PCCA: variants seen among roughly 807,000 people sequenced by gnomAD.
PCCA encodes propionyl-CoA carboxylase subunit alpha, also known as propionyl-CoA carboxylase alpha chain, mitochondrial.
Under a neutral mutation model 101.3 loss-of-function variants are expected in PCCA, and 74 were observed. The ratio of observed to expected loss-of-function variants is 0.73; its 90% CI spans 0.61 to 0.89. The LOEUF is 0.89. PCCA is among the 40% of genes least tolerant of loss of function. The pLI, the probability that PCCA is intolerant of heterozygous loss-of-function variation, is 0.00. For missense variants in PCCA, 891 were observed against 907.0 expected, an observed-to-expected ratio of 0.98 and a Z score of 0.23; for synonymous variants, 294 against 313.6, an observed-to-expected ratio of 0.94 and a Z score of 0.66.
intron 6 of PCCA, among the ~76,000 whole-genome samples, chr13:100,203,500 G>A (rs1040269741): frequency 1.3e-5 from 2 of 151,942 alleles, no homozygotes; most frequent in African/African-American, 4.8e-5. Context: ...GACCAGCTCG[G>A]CCAACATGGT....
intron 20 of PCCA, among the ~76,000 whole-genome samples, chr13:100,428,660 TG>T (rs1044703086): frequency 6.6e-6 from 1 of 152,172 alleles, no homozygotes; most frequent in Non-Finnish European, 1.5e-5. Flanking sequence ...AGAAGCCTTG[TG>T]GAAACTCAAG....
intron 20 of PCCA, among the ~76,000 whole-genome samples, chr13:100,434,681 T>A (rs921863916): frequency 6.6e-6 from 1 of 152,240 alleles, no homozygotes; most frequent in Non-Finnish European, 1.5e-5. Context: ...TCCCTCATAA[T>A]GACCCCGCCT....
chr13:100,169,550 C>T (rs951792109), intron 6 of PCCA, among the ~76,000 whole-genome samples: 11 of 151,550 alleles, frequency 7.3e-5, no homozygotes, highest in South Asian at 4.2e-4. Context: ...TTTTTTGAGA[C>T]GGAGTCTTGC....
intron 19 of PCCA, among the ~76,000 whole-genome samples, chr13:100,374,465 G>C (rs1024031718): frequency 1.3e-5 from 2 of 151,856 alleles, no homozygotes; most frequent in African/African-American, 2.4e-5. Flanking sequence ...ACACAAAACT[G>C]GTCAAAATAG....
chr13:100,355,299 A>G (rs570819915), intron 18 of PCCA, among the ~76,000 whole-genome samples: 1 of 152,198 alleles, frequency 6.6e-6, no homozygotes. Context: ...ATAGAAGGCA[A>G]CTTCCTCAGA....
At chr13:100,168,579 A>G (rs973730489) in intron 6 of PCCA, among the ~76,000 whole-genome samples, 1 of 152,190 alleles carries the variant, frequency 6.6e-6, no homozygotes, top group Non-Finnish European at 1.5e-5. Context: ...GCTGTTACTT[A>G]TGCTAGTATT....
intron 7 of PCCA, among the ~76,000 whole-genome samples, chr13:100,221,298 T>C (rs569697100): frequency 6.6e-6 from 1 of 152,360 alleles, no homozygotes; most frequent in South Asian, 2.1e-4. Context: ...GTGACTCATC[T>C]CACCATTGTG....
chr13:100,316,154 G>C (rs1230745439), intron 16 of PCCA, among the ~76,000 whole-genome samples: 1 of 152,146 alleles, frequency 6.6e-6, no homozygotes, highest in South Asian at 2.1e-4. Context: ...TTTGTTGTCT[G>C]CCATGAGCCA....
At chr13:100,362,806 A>T (rs984850583) in intron 18 of PCCA, among the ~76,000 whole-genome samples, 1 of 152,224 alleles carries the variant, frequency 6.6e-6, no homozygotes, top group Non-Finnish European at 1.5e-5. Context: ...CAGCATGATT[A>T]TGTGATACAG....
intron 20 of PCCA, among the ~76,000 whole-genome samples, chr13:100,438,732 C>T (rs1382595353): frequency 6.6e-6 from 1 of 151,592 alleles, no homozygotes; most frequent in African/African-American, 2.4e-5. Context: ...TAAGTTCCCC[C>T]AAGAAAACAC....
intron 21 of PCCA, among the ~76,000 whole-genome samples, chr13:100,467,352 C>G (rs879810402): frequency 5.9e-5 from 9 of 152,120 alleles, no homozygotes; most frequent in Non-Finnish European, 1.3e-4. Context: ...GCCAGTTACT[C>G]TTGTATAGCG....
At position 100,213,877 on chromosome 13, in the gene PCCA, A is replaced by C. The variant is rs200876117; in HGVS notation, c.600+4414A>C. Among the ~76,000 whole-genome samples the C allele has an allele frequency of 3.3e-5, 5 of 152,094 alleles. No individual in the cohort carries two copies. In the East Asian group the frequency reaches 9.6e-4, roughly 29 times the overall value. ...TCATAATTTGAGGTTTTAGGTTTAA[A>C]TTTTCAATCCATTTTGATTTGATTT... On this transcript the variant is annotated intron_variant, in intron 7 of 23. Transcript: ENST00000376285.
chr13:100,219,670 C>A (rs2059702694), intron 7 of PCCA, among the ~76,000 whole-genome samples: 1 of 152,166 alleles, frequency 6.6e-6, no homozygotes, highest in South Asian at 2.1e-4. Flanking sequence ...TTACTTGTTT[C>A]TCCGCTAATA....
intron 18 of PCCA, among the ~76,000 whole-genome samples, chr13:100,346,655 A>G (rs1478958033): frequency 6.6e-6 from 1 of 152,190 alleles, no homozygotes; most frequent in African/African-American, 2.4e-5. Flanking sequence ...CTACTGTGGG[A>G]AAAATGGTAT....
chr13:100,096,770 A>G (rs1365790659), intron 1 of PCCA, among the ~76,000 whole-genome samples: 1 of 152,266 alleles, frequency 6.6e-6, no homozygotes, highest in Non-Finnish European at 1.5e-5. Context: ...CAAACCAGCC[A>G]CAACATTTCC....
intron 7 of PCCA, among the ~76,000 whole-genome samples, chr13:100,230,184 C>T (rs1446153389): frequency 1.3e-5 from 2 of 152,018 alleles, no homozygotes; most frequent in African/African-American, 2.4e-5. Context: ...AATTGCAGGG[C>T]GTGGTGTATG....
rs2078888796 is a variant in PCCA at position 100,422,357 on chromosome 13, C to T, written c.1747-3276C>T. Among the ~76,000 whole-genome samples, 2 of 151,876 alleles carry T rather than the reference C, an allele frequency of 1.3e-5. 1 individual carries two copies. On this transcript the variant is annotated intron_variant, in intron 19 of 23. Transcript: ENST00000376285. ...CTCACTTTGTTGCCCAGGCTGGTTTCAAACTCCTGGCTTCAAGCAGTCCTC... is the reference window on the plus strand; with the variant it reads ...CTCACTTTGTTGCCCAGGCTGGTTTTAAACTCCTGGCTTCAAGCAGTCCTC...
Position 100,209,456 on chromosome 13 carries a change from TAGTCA to T in PCCA, c.596_600del (p.Val199GlyfsTer35). 2 of 1,612,666 alleles carry T rather than the reference TAGTCA, an allele frequency of 1.2e-6. No individual in the cohort carries two copies. Among genetic ancestry groups the T allele is most frequent in the Non-Finnish European group, 1.7e-6 (2 of 1,178,768 alleles). On this transcript the variant is annotated frameshift_variant and splice_region_variant, in exon 7 of 24. Transcript: ENST00000376285. LOFTEE classifies it high-confidence loss of function. ...AATACAATCCCTGGCTTTGATGGAG[TAGTCA>T]AGGTGAGAAGCTACTTTAACTTTTA...
chr13:100,355,857 C>T (rs563604516), intron 18 of PCCA, among the ~76,000 whole-genome samples: 3 of 152,154 alleles, frequency 2.0e-5, no homozygotes, highest in Admixed American at 6.5e-5. Context: ...TCCTACTTCC[C>T]GATTTCAAAA....
Sources: allele counts gnomAD v4.1 joint callset (sites outside exome capture counted in the v4.1 genomes callset), GRCh38; gene constraint gnomAD v4.1.1; transcripts MANE v1.5; gene names NCBI Gene and HGNC (gene_info 2026-07-23, HGNC 2026-07-21).